CHLSN: variants seen among roughly 807,000 people sequenced by gnomAD.
The protein encoded by CHLSN is protein cholesin.
At chr7:1,040,182 TTAAAA>T in the CHLSN span, among the ~76,000 whole-genome samples, 3,151 of 96,064 alleles carry the variant, frequency 0.033, 295 homozygotes, top group Middle Eastern at 0.075. Flanking sequence ...AAAAATAAAT[TTAAAA>T]AAAAAAAAAA....
At chr7:1,038,420 G>A in the CHLSN span, among the ~76,000 whole-genome samples, 13 of 86,338 alleles carry the variant, frequency 1.5e-4, 1 homozygote, top group African/African-American at 4.9e-4. Context: ...CACCCCGTCC[G>A]GGAGGGAGAT....
chr7:1,076,902 C>T, the CHLSN span, among the ~76,000 whole-genome samples: 20 of 152,378 alleles, frequency 1.3e-4, no homozygotes, highest in African/African-American at 4.6e-4. Flanking sequence ...CACAGGCTTA[C>T]GGGGTGGTCA....
At chr7:1,037,399 T>A in the CHLSN span, among the ~76,000 whole-genome samples, 1 of 124,856 alleles carries the variant, frequency 8.0e-6, no homozygotes, top group Non-Finnish European at 1.8e-5. Context: ...CCATTGCAGG[T>A]GCGCGCCGCC....
At chr7:1,058,282 A>G in the CHLSN span, 1 of 773,466 alleles carries the variant, frequency 1.3e-6, no homozygotes, top group Non-Finnish European at 2.4e-6. Context: ...CTGCTGGGGC[A>G]CACGGTCATC....
the CHLSN span, among the ~76,000 whole-genome samples, chr7:1,116,173 C>T: frequency 5.9e-5 from 8 of 135,512 alleles, no homozygotes; most frequent in Non-Finnish European, 9.6e-5. Flanking sequence ...CCATCACCAA[C>T]GCCCACGCAG....
chr7:1,095,466 G>T, the CHLSN span, among the ~76,000 whole-genome samples: 4 of 152,166 alleles, frequency 2.6e-5, no homozygotes, highest in African/African-American at 7.2e-5. Context: ...AGGCGGGGTG[G>T]GTGCTCTACC....
chr7:1,028,936 T>G, the CHLSN span: 5 of 430,526 alleles, frequency 1.2e-5, no homozygotes, highest in Non-Finnish European at 1.4e-5. Flanking sequence ...CCATCTCCCC[T>G]GCCCAGGCCC....
At chr7:980,719 A>G in the CHLSN span, among the ~76,000 whole-genome samples, 100 of 123,868 alleles carry the variant, frequency 8.1e-4, no homozygotes, top group African/African-American at 3.1e-3. Flanking sequence ...ATGGAGTCTC[A>G]CTCTGTTGCC....
the CHLSN span, among the ~76,000 whole-genome samples, chr7:1,104,728 G>A: frequency 1.3e-5 from 2 of 152,204 alleles, no homozygotes; most frequent in African/African-American, 4.8e-5. Flanking sequence ...TTTCCCAGCT[G>A]TGAATGCTCC....
the CHLSN span, chr7:1,109,424 A>C: frequency 6.6e-6 from 1 of 152,268 alleles, no homozygotes; most frequent in Non-Finnish European, 1.5e-5. Flanking sequence ...TCCAGCCGAC[A>C]CGCGTGGCCC....
chr7:986,049 G>A, the CHLSN span, among the ~76,000 whole-genome samples: 4 of 152,204 alleles, frequency 2.6e-5, no homozygotes, highest in South Asian at 6.2e-4. Flanking sequence ...ACGGCACTGC[G>A]TGGTCCGGGG....
the CHLSN span, among the ~76,000 whole-genome samples, chr7:1,039,008 T>G: frequency 4.9e-5 from 2 of 40,636 alleles, no homozygotes; most frequent in African/African-American, 1.2e-4. Flanking sequence ...GGGAGGGAGG[T>G]GGGGGTGTCG....
the CHLSN span, among the ~76,000 whole-genome samples, chr7:1,072,274 T>C: frequency 6.6e-6 from 1 of 152,178 alleles, no homozygotes; most frequent in African/African-American, 2.4e-5. Context: ...ACTCCCCATC[T>C]GCAGCCCGTG....
chr7:1,056,905 T>G, the CHLSN span: 1 of 152,762 alleles, frequency 6.5e-6, no homozygotes, highest in Non-Finnish European at 1.5e-5. Flanking sequence ...CTAGGATGGC[T>G]CCAGCCGCCA....
the CHLSN span, among the ~76,000 whole-genome samples, chr7:1,118,961 T>G: frequency 4.0e-5 from 6 of 150,834 alleles, no homozygotes; most frequent in Admixed American, 3.3e-4. Context: ...TAAAAAAAAA[T>G]AGGCTATTGT....
At chr7:1,038,461 G>A in the CHLSN span, among the ~76,000 whole-genome samples, 48 of 80,692 alleles carry the variant, frequency 5.9e-4, 3 homozygotes, top group Non-Finnish European at 9.8e-4. Flanking sequence ...CCGGCCAGCC[G>A]CCCCGTCCGG....
chr7:1,073,773 A>C, the CHLSN span, among the ~76,000 whole-genome samples: 34,457 of 73,326 alleles, frequency 0.47, 7,517 homozygotes, highest in Middle Eastern at 0.6. Context: ...GTCACTCCCC[A>C]CGACCCCCCA....
the CHLSN span, among the ~76,000 whole-genome samples, chr7:1,136,225 TATA>T: frequency 8.7e-6 from 1 of 115,572 alleles, no homozygotes; most frequent in African/African-American, 3.5e-5. Context: ...TATAAACATA[TATA>T]AATATATAAA....
At chr7:1,028,847 TC>T in the CHLSN span, 1 of 600,586 alleles carries the variant, frequency 1.7e-6, no homozygotes, top group Non-Finnish European at 2.0e-6. Context: ...ACCCCCATCT[TC>T]CCAGTCTGCC....
Sources: gnomAD v4.1 joint callset for allele counts (sites outside exome capture counted in the v4.1 genomes callset) on GRCh38, gnomAD v4.1.1 for gene constraint, MANE v1.5 for transcripts, NCBI Gene and HGNC (gene_info 2026-07-23, HGNC 2026-07-21) for gene names.